ZIM2: variants seen among roughly 807,000 people sequenced by gnomAD.
The protein encoded by ZIM2 is zinc finger imprinted 2.
In ZIM2, 14 loss-of-function variants were observed where a neutral mutation model predicts 38.6. The ratio of observed to expected loss-of-function variants is 0.36; its 90% CI spans 0.24 to 0.57. The LOEUF is 0.57. ZIM2 is among the 20% of genes least tolerant of loss of function. ZIM2 has a pLI of 0.81. For missense variants in ZIM2, 680 were observed against 695.1 expected (o/e 0.98, Z 0.24); for synonymous variants, 247 against 245.8 (o/e 1.00, Z -0.04).
intron 12 of ZIM2, among the ~76,000 whole-genome samples, chr19:56,776,779 G>A (rs2145826151): frequency 6.6e-6 from 1 of 152,262 alleles, no homozygotes; most frequent in Non-Finnish European, 1.5e-5. Flanking sequence ...CTCCACTTAG[G>A]AACAGAAAAT....
At chr19:56,783,677 G>A (rs932660307) in intron 10 of ZIM2, among the ~76,000 whole-genome samples, 1 of 152,160 alleles carries the variant, frequency 6.6e-6, no homozygotes, top group Admixed American at 6.5e-5. Flanking sequence ...TACAAGAGGA[G>A]GCAGGGAGGG....
intron 9 of ZIM2, chr19:56,810,090 T>A (rs2048008351): frequency 1.2e-6 from 1 of 855,084 alleles, no homozygotes; most frequent in Non-Finnish European, 1.4e-6. Flanking sequence ...TATTTATTTT[T>A]AACTTTATTT....
intron 9 of ZIM2, chr19:56,812,571 G>A (rs1170700934): frequency 5.1e-6 from 5 of 985,658 alleles, no homozygotes; most frequent in Non-Finnish European, 6.0e-6. Context: ...ATGCTGCACA[G>A]GGGACCCAAG....
chr19:56,816,538 G>A (rs2059993466), intron 9 of ZIM2: 5 of 1,613,728 alleles, frequency 3.1e-6, no homozygotes, highest in African/African-American at 2.7e-5. Flanking sequence ...ATGAAGGAAA[G>A]TCTCCCCACA....
intron 7 of ZIM2, among the ~76,000 whole-genome samples, chr19:56,820,619 G>C (rs909108493): frequency 1.3e-5 from 2 of 152,076 alleles, no homozygotes; most frequent in Non-Finnish European, 2.9e-5. Context: ...CGTGCTCCTG[G>C]CTCTAAATGG....
At chr19:56,835,876 G>A (rs553449321) in intron 2 of ZIM2, 142 bp downstream of exon 2, 2 of 349,632 alleles carry the variant, frequency 5.7e-6, no homozygotes, top group African/African-American at 4.2e-5. Context: ...TCCACCAGAA[G>A]AGTCTGGGTG....
chr19:56,796,484 G>T (rs1040148341), intron 9 of ZIM2, among the ~76,000 whole-genome samples: 3 of 152,196 alleles, frequency 2.0e-5, no homozygotes, highest in Non-Finnish European at 4.4e-5. Flanking sequence ...CCCCGAAGCT[G>T]GATGCCACTG....
intron 9 of ZIM2, chr19:56,812,818 T>TAA (rs11392622): frequency 0.048 from 39,868 of 836,710 alleles, no homozygotes; most frequent in Middle Eastern, 0.053. Context: ...TTGAGTTGGT[T>TAA]AAAAAAAAAA....
intron 9 of ZIM2, chr19:56,815,266 T>C (rs1179927946): frequency 1.9e-6 from 3 of 1,614,148 alleles, no homozygotes; most frequent in African/African-American, 1.3e-5. Flanking sequence ...CTCCTCGCCA[T>C]GAGACTTCTC....
chr19:56,822,898 T>C lies in ZIM2; in HGVS notation c.107-62A>G, dbSNP rs1381645489. ...CTTTGACACACCTGTTTTCCCTGCATGTGCACAAACACCCCTCTGGAAAGA... is the reference window on the plus strand; with the variant it reads ...CTTTGACACACCTGTTTTCCCTGCACGTGCACAAACACCCCTCTGGAAAGA... On this transcript the variant is annotated intron_variant, in intron 5 of 12. Coordinates refer to ENST00000629319, the MANE Select transcript of ZIM2 (RefSeq NM_001387356.1). 1.0e-5 allele frequency: 16 copies of C among 1,569,340 alleles called. No homozygotes were observed. In the Admixed American group the frequency reaches 2.1e-4, roughly 20 times the overall value.
chr19:56,823,497 G>T, intron 5 of ZIM2, 93 bp downstream of exon 5: 1 of 1,461,280 alleles, frequency 6.8e-7, no homozygotes, highest in Non-Finnish European at 9.5e-7. Context: ...GGGATGGCGG[G>T]TCATCTTCAT....
In ZIM2 at chr19:56,814,200, C is replaced by G. The variant is rs2059759444; in HGVS notation, c.490+3546G>C. On this transcript the variant is annotated intron_variant, in intron 9 of 12. Transcript: ENST00000629319. This position sits in a 1 kb window ranked among gnomAD's most constrained non-coding sequence, Gnocchi z 5.8. ...CAGCCTCTCCGTTTGGCTCAGCAGC[C>G]TCCACTTCTGGCTCAGCAGCCTCCA... 7 of 1,611,550 alleles carry G rather than the reference C, an allele frequency of 4.3e-6. No homozygotes were observed. Among genetic ancestry groups the G allele is most frequent in the Non-Finnish European group, 5.9e-6 (7 of 1,178,250 alleles).
chr19:56,839,964 G>A (rs2062796069), intron 1 of ZIM2, among the ~76,000 whole-genome samples: 1 of 152,240 alleles, frequency 6.6e-6, no homozygotes, highest in Non-Finnish European at 1.5e-5. Flanking sequence ...CGAGAGGGCG[G>A]GGAAAGAAAA....
chr19:56,781,932 C>T (rs762512607), intron 11 of ZIM2, 21 bp downstream of exon 11: 3 of 1,610,112 alleles, frequency 1.9e-6, no homozygotes, highest in South Asian at 2.2e-5. Flanking sequence ...AAACCAAGTC[C>T]TGTGGAGAAG....
At chr19:56,815,875 T>G in intron 9 of ZIM2, 1 of 1,613,396 alleles carries the variant, frequency 6.2e-7, no homozygotes, top group Non-Finnish European at 8.5e-7. Flanking sequence ...TCCCTTCTCA[T>G]TAGATTCCAC....
rs1436828168 is a variant in ZIM2, at chr19:56,824,179, C to T, written c.16+83G>A. On this transcript the variant is annotated intron_variant, in intron 4 of 12. Coordinates refer to ENST00000629319, the MANE Select transcript of ZIM2 (RefSeq NM_001387356.1). Reference sequence around the variant, plus strand: ...AGGACAGAGAGTTATCCAGTCCAGACCATGTCAGAAGTGTGGAGGCTGAGA... The same window carrying T: ...AGGACAGAGAGTTATCCAGTCCAGATCATGTCAGAAGTGTGGAGGCTGAGA... 6 of 1,552,342 alleles carry T rather than the reference C, an allele frequency of 3.9e-6. No homozygotes were observed. In the South Asian group the frequency reaches 4.9e-5, roughly 13 times the overall value.
chr19:56,794,816 T>C (rs1448503579), intron 9 of ZIM2, among the ~76,000 whole-genome samples: 1 of 152,218 alleles, frequency 6.6e-6, no homozygotes, highest in Non-Finnish European at 1.5e-5. Flanking sequence ...GAGCCCCACA[T>C]TTTCATTTTG....
chr19:56,817,646 G>A lies in ZIM2; in HGVS notation c.490+100C>T. 2.6e-6 allele frequency: 4 copies of A among 1,512,172 alleles called. No individual in the cohort carries two copies. In the East Asian group the frequency reaches 6.8e-5, roughly 26 times the overall value. 93.7% of individuals were successfully genotyped at this position (1,512,172 alleles called of 1,614,324 possible). A position where few individuals can be genotyped will look rare whatever the true frequency, so the allele number is the denominator to read the frequency against. On this transcript the variant is annotated intron_variant, in intron 9 of 12. Coordinates refer to ENST00000629319, the MANE Select transcript of ZIM2 (RefSeq NM_001387356.1). ...AAGAAGGACAGTGGGACTTGGAGGGGTGCACCCTTCTGTGATGTTTAGGAA... is the reference window on the plus strand; with the variant it reads ...AAGAAGGACAGTGGGACTTGGAGGGATGCACCCTTCTGTGATGTTTAGGAA...
intron 9 of ZIM2, chr19:56,810,277 C>A (rs375125357): frequency 2.0e-6 from 2 of 980,922 alleles, no homozygotes; most frequent in African/African-American, 3.5e-5. Flanking sequence ...CTATAATGAA[C>A]ACATTTCATA....
Sources: allele counts gnomAD v4.1 joint callset (sites outside exome capture counted in the v4.1 genomes callset), GRCh38; gene constraint gnomAD v4.1.1; non-coding constraint Gnocchi (gnomAD v3.1); transcripts MANE v1.5; gene names NCBI Gene and HGNC (gene_info 2026-07-23, HGNC 2026-07-21).